POLN: variants seen among roughly 807,000 people sequenced by gnomAD.
POLN encodes the protein DNA polymerase N.
A neutral mutation model predicts 113.5 loss-of-function variants in POLN; 108 were observed. The ratio of observed to expected loss-of-function variants is 0.95; its 90% CI spans 0.81 to 1.12. The LOEUF (loss-of-function observed/expected upper bound fraction) is 1.12. Ranked by LOEUF, POLN falls within the 50% of genes most tolerant of loss-of-function variation. The pLI is 0.00. For synonymous variants in POLN, 386 were observed against 391.5 expected, an observed-to-expected ratio of 0.99 and a Z score of 0.17; for missense variants, 1,097 against 1,077.1, an observed-to-expected ratio of 1.02 and a Z score of -0.26.
intron 6 of POLN, among the ~76,000 whole-genome samples, chr4:2,194,949 T>C (rs886088355): frequency 2.6e-5 from 4 of 151,508 alleles, no homozygotes; most frequent in African/African-American, 9.8e-5. Context: ...CACATACATA[T>C]ATATATTTAT....
At chr4:2,156,679 G>A in intron 16 of POLN, 109 bp downstream of exon 16, 1 of 831,782 alleles carries the variant, frequency 1.2e-6, no homozygotes, top group Non-Finnish European at 2.1e-6. Context: ...TCAGTATGAA[G>A]TCCCCTCTTG....
intron 19 of POLN, among the ~76,000 whole-genome samples, chr4:2,124,595 A>G (rs1388633751): frequency 6.6e-6 from 1 of 152,172 alleles, no homozygotes; most frequent in Non-Finnish European, 1.5e-5. Context: ...AACATTAAAA[A>G]GGTGAATTTT....
At chr4:2,104,734 G>T (rs925320394) in intron 19 of POLN, among the ~76,000 whole-genome samples, 1 of 152,208 alleles carries the variant, frequency 6.6e-6, no homozygotes, top group African/African-American at 2.4e-5. Context: ...AGCTGTCCCA[G>T]TCAGACCACG....
chr4:2,159,859 G>A (rs1208304695), intron 13 of POLN, among the ~76,000 whole-genome samples: 3 of 152,148 alleles, frequency 2.0e-5, no homozygotes, highest in Non-Finnish European at 4.4e-5. Flanking sequence ...GTATTCAAGT[G>A]CATGAATGTA....
intron 2 of POLN, among the ~76,000 whole-genome samples, chr4:2,234,789 G>A (rs990702216): frequency 2.0e-5 from 3 of 152,090 alleles, no homozygotes; most frequent in Non-Finnish European, 4.4e-5. Flanking sequence ...AATTTAAAAC[G>A]ACCAGGATAA....
intron 3 of POLN, among the ~76,000 whole-genome samples, chr4:2,226,321 G>A (rs1734392204): frequency 6.6e-6 from 1 of 152,214 alleles, no homozygotes; most frequent in Non-Finnish European, 1.5e-5. Context: ...GTAATTGTGT[G>A]CCTCAGAAAA....
In POLN at chr4:2,198,588, A is replaced by C. The variant is rs1225501131; in HGVS notation, c.844T>G (p.Tyr282Asp). Residue 282 changes from tyrosine (Y) to aspartate (D), a missense_variant, in exon 6 of 26, where the codon TAC becomes GAC. Coordinates refer to ENST00000511885, the MANE Select transcript of POLN (RefSeq NM_181808.4). ...EGFVSDDPCI[Y>D]IQIEHSAIWD... ...ATAGCAGAGTGCTCTATTTGAATGT[A>C]GATGCATGGATCATCTGACACAAAG... is the stretch of plus-strand genomic sequence containing the variant. The C allele has an allele frequency of 1.9e-6, 3 of 1,613,770 alleles. No homozygotes were observed. The highest frequency in any genetic ancestry group is 2.7e-5 in the African/African-American group (2 of 74,862).
chr4:2,088,870 G>A, intron 20 of POLN: 1 of 1,465,332 alleles, frequency 6.8e-7, no homozygotes, highest in Non-Finnish European at 9.3e-7. Context: ...AGAGGTCAAG[G>A]GTGCGTCGCT....
chr4:2,209,273 A>G (rs1427804886), intron 4 of POLN, among the ~76,000 whole-genome samples: 1 of 152,042 alleles, frequency 6.6e-6, no homozygotes, highest in Non-Finnish European at 1.5e-5. Context: ...CAAGGTCAAC[A>G]GTTCGAGACC....
chr4:2,131,328 T>G (rs749611833), intron 16 of POLN, 38 bp from the exon 17 acceptor site: 1 of 1,372,008 alleles, frequency 7.3e-7, no homozygotes, highest in Admixed American at 1.7e-5. Flanking sequence ...TTAAAATATC[T>G]ACTCTTAATC....
chr4:2,214,485 T>C (rs1259041714), intron 3 of POLN, among the ~76,000 whole-genome samples: 1 of 152,150 alleles, frequency 6.6e-6, no homozygotes, highest in Non-Finnish European at 1.5e-5. Flanking sequence ...CAAGTTCTCA[T>C]ACATTTACAA....
intron 3 of POLN, 108 bp downstream of exon 3, chr4:2,228,991 G>T: frequency 9.1e-7 from 1 of 1,103,600 alleles, no homozygotes. Flanking sequence ...AAAAGGGGCG[G>T]GAGCTGGGCT....
intron 7 of POLN, among the ~76,000 whole-genome samples, chr4:2,191,825 A>T (rs1733449085): frequency 6.6e-6 from 1 of 152,032 alleles, no homozygotes; most frequent in Non-Finnish European, 1.5e-5. Flanking sequence ...AAGTATGGGG[A>T]GTTATAGAGC....
intron 13 of POLN, among the ~76,000 whole-genome samples, chr4:2,170,466 A>T (rs1732831973): frequency 6.6e-6 from 1 of 152,216 alleles, no homozygotes; most frequent in South Asian, 2.1e-4. Context: ...AAGTCAAGCC[A>T]ATTAACTGCT....
At chr4:2,088,467 A>T (rs1730598056) in intron 20 of POLN, among the ~76,000 whole-genome samples, 1 of 152,244 alleles carries the variant, frequency 6.6e-6, no homozygotes. Context: ...CACAACATCC[A>T]GTTTCCATAT....
At chr4:2,110,152 C>T (rs1009861441) in intron 19 of POLN, among the ~76,000 whole-genome samples, 31 of 152,082 alleles carry the variant, frequency 2.0e-4, no homozygotes, top group Non-Finnish European at 3.1e-4. Context: ...GGGTACATAA[C>T]GAAATGAAGG....
chr4:2,236,125 T>C lies in POLN; in HGVS notation c.-13+5395A>G, dbSNP rs75270981. On this transcript the variant is annotated intron_variant, in intron 2 of 25. Transcript: ENST00000511885. The stretch of plus-strand genomic sequence containing the variant: ...AGAAATATACTTTATATTAAGGCAA[T>C]GAAATTGGGGTAATATTTTCCTCAT... 12 of 647,976 alleles carry C rather than the reference T, an allele frequency of 1.9e-5. No homozygotes were observed. In the Admixed American group the frequency reaches 2.6e-4, roughly 14 times the overall value. 40.1% of individuals were successfully genotyped at this position (647,976 alleles called of 1,614,324 possible).
chr4:2,161,387 C>T (rs1032601342), intron 13 of POLN, among the ~76,000 whole-genome samples: 13 of 152,324 alleles, frequency 8.5e-5, no homozygotes, highest in African/African-American at 1.2e-4. Context: ...CCTGCTAGCC[C>T]GGGCAATGAG....
intron 13 of POLN, among the ~76,000 whole-genome samples, chr4:2,166,191 G>A (rs902747311): frequency 1.3e-5 from 2 of 152,172 alleles, no homozygotes; most frequent in African/African-American, 4.8e-5. Context: ...ACAAAGCACA[G>A]CAGAATTGGG....
Sources: gnomAD v4.1 joint callset for allele counts (sites outside exome capture counted in the v4.1 genomes callset) on GRCh38, gnomAD v4.1.1 for gene constraint, MANE v1.5 for transcripts, NCBI Gene and HGNC (gene_info 2026-07-23, HGNC 2026-07-21) for gene names.